Variants in PCSK6 observed in about 807,000 individuals in gnomAD.
The protein encoded by PCSK6 is proprotein convertase subtilisin/kexin type 6.
In PCSK6, 85 loss-of-function variants were observed where a neutral mutation model predicts 123.3. That is an observed-to-expected ratio of 0.69 (90% confidence interval 0.58 to 0.83). The LOEUF (loss-of-function observed/expected upper bound fraction) is 0.83. Ranked by LOEUF, PCSK6 falls within the 40% of genes least tolerant of loss-of-function variation. The pLI, the probability that PCSK6 is intolerant of heterozygous loss-of-function variation, is 0.00. For missense variants in PCSK6, 1,191 were observed against 1,282.3 expected (o/e 0.93, Z 1.09); for synonymous variants, 508 against 516.0 (o/e 0.98, Z 0.21).
chr15:101,331,211 C>T (rs984594706), intron 15 of PCSK6, among the ~76,000 whole-genome samples: 4 of 152,166 alleles, frequency 2.6e-5, no homozygotes, highest in African/African-American at 9.7e-5. Flanking sequence ...AACCAGGGCC[C>T]ACCTTGGCAA....
At chr15:101,364,353 T>G (rs962302749) in intron 13 of PCSK6, among the ~76,000 whole-genome samples, 1 of 152,246 alleles carries the variant, frequency 6.6e-6, no homozygotes, top group Non-Finnish European at 1.5e-5. Flanking sequence ...TATAGACCTT[T>G]GTGGGTAACT....
intron 6 of PCSK6, among the ~76,000 whole-genome samples, chr15:101,425,868 A>G (rs1343787007): frequency 6.6e-6 from 1 of 152,160 alleles, no homozygotes; most frequent in African/African-American, 2.4e-5. Context: ...TGTTACTTCC[A>G]CTGACTCCTC....
chr15:101,437,462 C>CCT (rs2056633771), intron 2 of PCSK6, among the ~76,000 whole-genome samples: 1 of 109,968 alleles, frequency 9.1e-6, no homozygotes, highest in African/African-American at 4.6e-5. Context: ...TCTAACTCAG[C>CCT]CTAGAAAGCC....
At chr15:101,351,734 AGGACAATAT>A (rs2040895230) in intron 13 of PCSK6, among the ~76,000 whole-genome samples, 5 of 152,344 alleles carry the variant, frequency 3.3e-5, no homozygotes, top group Admixed American at 1.3e-4. Context: ...ACCAGCAAGC[AGGACAATAT>A]AACTTCATGG....
At chr15:101,350,860 G>T (rs994310342) in intron 13 of PCSK6, among the ~76,000 whole-genome samples, 1 of 152,218 alleles carries the variant, frequency 6.6e-6, no homozygotes, top group African/African-American at 2.4e-5. Flanking sequence ...CGCTGCAGCC[G>T]ACCAGCACTG....
chr15:101,488,605 T>C (rs2058077703), intron 1 of PCSK6, among the ~76,000 whole-genome samples: 1 of 152,100 alleles, frequency 6.6e-6, no homozygotes, highest in African/African-American at 2.4e-5. Context: ...ACATTGCCAC[T>C]GACTGCAAAG....
intron 13 of PCSK6, among the ~76,000 whole-genome samples, chr15:101,352,617 T>C (rs1221042281): frequency 7.2e-5 from 11 of 152,254 alleles, no homozygotes; most frequent in Admixed American, 2.0e-4. Flanking sequence ...TAACGGACTA[T>C]CCGTACTGTT....
At chr15:101,350,192 C>A (rs1438717106) in intron 13 of PCSK6, among the ~76,000 whole-genome samples, 3 of 152,184 alleles carry the variant, frequency 2.0e-5, no homozygotes, top group Non-Finnish European at 2.9e-5. Context: ...AGGCGTGAGA[C>A]AACGCACCTG....
chr15:101,328,692 C>A lies in PCSK6; in HGVS notation c.2078-2213G>T, dbSNP rs184851101. On this transcript the variant is annotated intron_variant, in intron 15 of 21. Coordinates refer to ENST00000611716, the MANE Select transcript of PCSK6 (RefSeq NM_002570.5). ...AAGGAGCCCAGTGCAAGGTTGGGGG[C>A]TATTCAACAGAGCTGCAGGGCCCCC... is the stretch of plus-strand genomic sequence containing the variant. Among the ~76,000 whole-genome samples, 44 of 152,258 alleles carry A rather than the reference C, an allele frequency of 2.9e-4. 1 individual carries two copies. The East Asian group carries it at 7.7e-3, about 27-fold the overall frequency.
At chr15:101,460,508 C>G (rs1008833251) in intron 1 of PCSK6, among the ~76,000 whole-genome samples, 9 of 152,192 alleles carry the variant, frequency 5.9e-5, no homozygotes, top group Non-Finnish European at 1.3e-4. Context: ...AGACAAAAAG[C>G]CAATGGCAGT....
chr15:101,392,066 C>T (rs1380397889), intron 8 of PCSK6, among the ~76,000 whole-genome samples: 1 of 152,254 alleles, frequency 6.6e-6, no homozygotes, highest in African/African-American at 2.4e-5. Flanking sequence ...TGCACGCAGT[C>T]CATGTTATAA....
chr15:101,453,919 G>T (rs1217077219), intron 1 of PCSK6, among the ~76,000 whole-genome samples: 1 of 152,272 alleles, frequency 6.6e-6, no homozygotes, highest in East Asian at 1.9e-4. Flanking sequence ...AGCACCAAAG[G>T]CTGTGCACAG....
intron 6 of PCSK6, among the ~76,000 whole-genome samples, chr15:101,415,627 ATATGG>A (rs1158627670): frequency 6.6e-6 from 1 of 152,152 alleles, no homozygotes; most frequent in Non-Finnish European, 1.5e-5. Flanking sequence ...TCAAACACTG[ATATGG>A]TTTGGCTGTG....
rs113964850 is a variant in PCSK6 at position 101,454,909 on chromosome 15, C to T, written c.298-11249G>A. Among the ~76,000 whole-genome samples the T allele has an allele frequency of 3.3e-3, 507 of 152,004 alleles. 5 individuals are homozygous for T. The highest frequency in any genetic ancestry group is 0.011 in the African/African-American group (476 of 41,394). On this transcript the variant is annotated intron_variant, in intron 1 of 21. Coordinates refer to ENST00000611716, the MANE Select transcript of PCSK6 (RefSeq NM_002570.5). ...GCAGTGAGCCAAGATCACACCACTG[C>T]AGTCCAGCCTGGGCAACAGAGTGAG...
At chr15:101,363,369 C>G (rs564453161) in intron 13 of PCSK6, among the ~76,000 whole-genome samples, 1 of 152,220 alleles carries the variant, frequency 6.6e-6, no homozygotes, top group Non-Finnish European at 1.5e-5. Context: ...GTAGCCCCAG[C>G]CTCCATGTGC....
intron 11 of PCSK6, among the ~76,000 whole-genome samples, chr15:101,374,568 G>C (rs1302535660): frequency 6.6e-6 from 1 of 152,212 alleles, no homozygotes; most frequent in Non-Finnish European, 1.5e-5. Context: ...CATGTTGAGA[G>C]ACCCTCCAGA....
chr15:101,331,606 A>T, intron 15 of PCSK6, 45 bp downstream of exon 15: 1 of 1,591,170 alleles, frequency 6.3e-7, no homozygotes, highest in Non-Finnish European at 8.6e-7. Context: ...CTGCTCTCCC[A>T]GCTGGGAAGG....
At position 101,331,653 on chromosome 15, in the gene PCSK6, G is replaced by T; in HGVS notation, c.2075C>A (p.Thr692Asn). The T allele has an allele frequency of 1.2e-6, 2 of 1,613,312 alleles. No individual in the cohort carries two copies. Among genetic ancestry groups the T allele is most frequent in the South Asian group, 2.2e-5 (2 of 90,944 alleles). Residue 692 changes from threonine to asparagine, a missense_variant and splice_region_variant, in exon 15 of 22, where the codon ACC (threonine) becomes AAC (asparagine). By Grantham distance (65) the Thr-to-Asn change is moderately conservative (BLOSUM62 0). This residue lies in a region of PCSK6 where 630 missense variants were observed against 631.4 expected (regional missense o/e 1.00). Transcript: ENST00000611716. ...TTACTGGTTTGAAGCATACTTACTG[G>T]TCTGTAAAATATTAGCAGAGCCTGG... ...STPGSANILQ[T>N]SVCHPECGDK...
At chr15:101,416,378 A>T (rs2055887383) in intron 6 of PCSK6, among the ~76,000 whole-genome samples, 1 of 152,234 alleles carries the variant, frequency 6.6e-6, no homozygotes, top group Non-Finnish European at 1.5e-5. Flanking sequence ...TTAAAAGGTG[A>T]CTTGGGTGCT....
Sources: allele counts gnomAD v4.1 joint callset (sites outside exome capture counted in the v4.1 genomes callset), GRCh38; gene constraint gnomAD v4.1.1; regional missense constraint gnomAD v4.1.1; transcripts MANE v1.5; gene names NCBI Gene and HGNC (gene_info 2026-07-23, HGNC 2026-07-21).